Variants in DGKB observed in about 807,000 individuals in gnomAD.
The protein encoded by DGKB is diacylglycerol kinase beta, also known as 90 kDa diacylglycerol kinase.
In DGKB, 67 loss-of-function variants were observed where a neutral mutation model predicts 114.3. That is an observed-to-expected ratio of 0.59 (90% CI 0.48 to 0.72). The LOEUF (loss-of-function observed/expected upper bound fraction) is 0.72, where lower values mean the gene tolerates loss of function less well. DGKB is among the 30% of genes least tolerant of loss of function. The probability of loss-of-function intolerance (pLI) is 0.00; values close to 1 mark genes in which losing one functional copy is unlikely to be tolerated. For synonymous variants in DGKB, 398 were observed against 323.1 expected, an observed-to-expected ratio of 1.23 and a Z score of -2.49; for missense variants, 907 against 975.2, an observed-to-expected ratio of 0.93 and a Z score of 0.93.
At chr7:14,427,676 C>A (rs558483266) in intron 21 of DGKB, among the ~76,000 whole-genome samples, 1 of 152,254 alleles carries the variant, frequency 6.6e-6, no homozygotes, top group African/African-American at 2.4e-5. Flanking sequence ...CACATGGTGG[C>A]AGACAAGAGA....
At chr7:14,243,971 A>G (rs1457721487) in intron 23 of DGKB, among the ~76,000 whole-genome samples, 2 of 152,068 alleles carry the variant, frequency 1.3e-5, no homozygotes, top group Non-Finnish European at 2.9e-5. Flanking sequence ...TCTAAATCTA[A>G]ATTTCTCTTA....
Position 14,701,681 on chromosome 7 carries a change from C to T in DGKB, c.516G>A (p.Ser172=). The stretch of plus-strand genomic sequence containing the variant: ...CAGAAACTTTGAAGAAAAAAATTAC[C>T]GAGCTGTCCAGGAAGCCATTCCCAT... ...DTDGNGFLDS[S]ELENIISQMM... The change falls in exon 7 of 26, where the codon TCG becomes TCA. Residue 172 remains serine, a splice_region_variant and synonymous_variant. Transcript: ENST00000402815. The T allele has an allele frequency of 3.1e-6, 5 of 1,606,300 alleles. No homozygotes were observed. The highest frequency in any genetic ancestry group is 4.3e-6 in the Non-Finnish European group (5 of 1,173,828).
At chr7:14,617,763 A>T (rs1806816285) in intron 15 of DGKB, among the ~76,000 whole-genome samples, 1 of 151,598 alleles carries the variant, frequency 6.6e-6, no homozygotes, top group Admixed American at 6.6e-5. Flanking sequence ...GACCCTAGGC[A>T]TATACTTACC....
chr7:14,907,648 T>C (rs112683033), upstream of DGKB, among the ~76,000 whole-genome samples: 2 of 152,226 alleles, frequency 1.3e-5, no homozygotes, highest in Non-Finnish European at 2.9e-5. Flanking sequence ...TATTTAAGTA[T>C]ATGACTTTCA....
chr7:14,885,632 T>G (rs966651432), intron 1 of DGKB, among the ~76,000 whole-genome samples: 1 of 151,886 alleles, frequency 6.6e-6, no homozygotes, highest in Non-Finnish European at 1.5e-5. Flanking sequence ...TAAAAATTAT[T>G]CTATTATTAA....
At chr7:14,358,024 A>AT (rs1290906712) in intron 21 of DGKB, among the ~76,000 whole-genome samples, 1 of 151,466 alleles carries the variant, frequency 6.6e-6, no homozygotes, top group Non-Finnish European at 1.5e-5. Context: ...TGCCCTTTAC[A>AT]TTTTTTCCTT....
chr7:14,796,651 T>G (rs1222818239), intron 2 of DGKB, among the ~76,000 whole-genome samples: 1 of 150,470 alleles, frequency 6.6e-6, no homozygotes, highest in Non-Finnish European at 1.5e-5. Flanking sequence ...GTCTTTGGAA[T>G]GCTGAAGATA....
At chr7:14,645,942 ATAACT>A (rs1227245452) in intron 13 of DGKB, among the ~76,000 whole-genome samples, 4 of 152,206 alleles carry the variant, frequency 2.6e-5, no homozygotes, top group Non-Finnish European at 2.9e-5. Flanking sequence ...ACTGCAAAAA[ATAACT>A]TAAGAGAGAA....
chr7:14,938,423 T>C (rs559534226), intron 1 of DGKB, among the ~76,000 whole-genome samples: 1 of 152,136 alleles, frequency 6.6e-6, no homozygotes, highest in South Asian at 2.1e-4. Context: ...TTAACTAAAA[T>C]AAATAAAGAA....
chr7:14,718,760 G>C (rs1828656288), intron 5 of DGKB, 75 bp from the exon 6 acceptor site: 2 of 1,107,100 alleles, frequency 1.8e-6, no homozygotes, highest in South Asian at 1.5e-5. Context: ...TAAGAAAATA[G>C]AGAACACACA....
intron 21 of DGKB, among the ~76,000 whole-genome samples, chr7:14,412,096 T>C (rs545770448): frequency 1.3e-5 from 2 of 152,322 alleles, no homozygotes; most frequent in East Asian, 3.9e-4. Context: ...GAGCATGATA[T>C]GATGTATATG....
chr7:14,691,300 C>A (rs748354704), intron 9 of DGKB, among the ~76,000 whole-genome samples: 2 of 152,166 alleles, frequency 1.3e-5, no homozygotes, highest in African/African-American at 2.4e-5. Context: ...AGAACCTACT[C>A]CCCGAGCTCA....
chr7:14,428,751 A>G (rs945296298), intron 21 of DGKB, among the ~76,000 whole-genome samples: 1 of 152,114 alleles, frequency 6.6e-6, no homozygotes, highest in African/African-American at 2.4e-5. Flanking sequence ...ATGTTTTTGC[A>G]TTACATTGTA....
intron 21 of DGKB, among the ~76,000 whole-genome samples, chr7:14,421,169 T>C (rs537438415): frequency 1.3e-5 from 2 of 152,078 alleles, no homozygotes; most frequent in African/African-American, 4.8e-5. Context: ...TAACCAGGGC[T>C]CCTGAGCTGC....
chr7:14,492,633 C>T (rs1784752234), intron 20 of DGKB, among the ~76,000 whole-genome samples: 1 of 151,988 alleles, frequency 6.6e-6, no homozygotes, highest in Admixed American at 6.6e-5. Flanking sequence ...TGAACCCCCG[C>T]CATGATGGGT....
At chr7:14,300,961 C>A (rs907091546) in intron 23 of DGKB, among the ~76,000 whole-genome samples, 1 of 132,812 alleles carries the variant, frequency 7.5e-6, no homozygotes, top group African/African-American at 2.7e-5. Flanking sequence ...TTGAGGAAAT[C>A]CTCTAACTGG....
intron 12 of DGKB, among the ~76,000 whole-genome samples, chr7:14,681,187 G>T (rs1277943631): frequency 6.6e-6 from 1 of 151,820 alleles, no homozygotes; most frequent in African/African-American, 2.4e-5. Flanking sequence ...TTAAAACTGG[G>T]AATTCAATGT....
At chr7:14,304,046 AACACACACACACACAC>A (rs773102280) in intron 23 of DGKB, among the ~76,000 whole-genome samples, 6 of 112,674 alleles carry the variant, frequency 5.3e-5, no homozygotes, top group Non-Finnish European at 1.1e-4. Flanking sequence ...GTTCTTATAG[AACACACACACACACAC>A]ACACACACAC....
intron 1 of DGKB, among the ~76,000 whole-genome samples, chr7:14,845,700 G>A (rs770944556): frequency 2.0e-5 from 3 of 151,988 alleles, no homozygotes; most frequent in Admixed American, 6.6e-5. Context: ...TTGAGTGGAA[G>A]AATTAATTAG....
Sources: allele counts gnomAD v4.1 joint callset (sites outside exome capture counted in the v4.1 genomes callset), GRCh38; gene constraint gnomAD v4.1.1; transcripts MANE v1.5; gene names NCBI Gene and HGNC (gene_info 2026-07-23, HGNC 2026-07-21).